The following FARP1 variants were observed in gnomAD, a reference collection of about 807,000 sequenced individuals.
FARP1 encodes FERM, ARHGEF and pleckstrin domain-containing protein 1.
A neutral mutation model predicts 128.8 loss-of-function variants in FARP1; 52 were observed. That is an observed-to-expected ratio of 0.40 (90% confidence interval 0.32 to 0.51). FARP1 has a LOEUF of 0.51. FARP1 is among the 20% of genes least tolerant of loss of function. FARP1 has a pLI of 0.45. For synonymous variants in FARP1, 580 were observed against 551.8 expected, an observed-to-expected ratio of 1.05 and a Z score of -0.72; for missense variants, 1,333 against 1,367.9, an observed-to-expected ratio of 0.97 and a Z score of 0.40.
At chr13:98,425,685 C>T (rs1891760496) in intron 17 of FARP1, among the ~76,000 whole-genome samples, 2 of 152,156 alleles carry the variant, frequency 1.3e-5, no homozygotes, top group Admixed American at 6.5e-5. Context: ...GCCATCACCC[C>T]TGGTCGCAAA....
At chr13:98,171,263 G>T (rs942839310) in intron 1 of FARP1, among the ~76,000 whole-genome samples, 4 of 152,182 alleles carry the variant, frequency 2.6e-5, no homozygotes, top group African/African-American at 9.7e-5. Context: ...CAATGTCCTT[G>T]GGTAATAAAC....
intron 17 of FARP1, among the ~76,000 whole-genome samples, chr13:98,428,431 T>C (rs1891871539): frequency 6.6e-6 from 1 of 152,102 alleles, no homozygotes; most frequent in African/African-American, 2.4e-5. Context: ...CTCTCTGTTT[T>C]CTTCCTGCTA....
intron 2 of FARP1, among the ~76,000 whole-genome samples, chr13:98,277,652 T>A (rs1013807506): frequency 3.9e-5 from 6 of 152,170 alleles, no homozygotes; most frequent in African/African-American, 1.4e-4. Flanking sequence ...CCTGTGCTAG[T>A]GGCAGAGCAC....
chr13:98,387,895 T>G (rs1890159499), intron 8 of FARP1, among the ~76,000 whole-genome samples: 2 of 152,228 alleles, frequency 1.3e-5, no homozygotes, highest in Non-Finnish European at 2.9e-5. Flanking sequence ...GGAAGTCTCT[T>G]TCTGCCACAT....
At chr13:98,211,373 C>T (rs78577064) in intron 1 of FARP1, among the ~76,000 whole-genome samples, 15,124 of 152,268 alleles carry the variant, frequency 0.099, 837 homozygotes, top group South Asian at 0.2. Flanking sequence ...CTAGATTGTG[C>T]GCTCCTTATG....
At chr13:98,392,910 G>A (rs1384212660) in intron 11 of FARP1, among the ~76,000 whole-genome samples, 1 of 151,724 alleles carries the variant, frequency 6.6e-6, no homozygotes, top group Non-Finnish European at 1.5e-5. Context: ...GTAAGAAATA[G>A]CCCAGTTCTC....
chr13:98,231,429 C>CTTATT lies in FARP1; in HGVS notation c.171+18038_171+18042dup, dbSNP rs925629183. On this transcript the variant is annotated intron_variant, in intron 2 of 26. Transcript: ENST00000319562. ...TGTCATTCATTTCTATTTTCTATTT[C>CTTATT]TTATTTTATTTTATTTTATTTTATT... is the stretch of plus-strand genomic sequence containing the variant. Among the ~76,000 whole-genome samples the CTTATT allele has an allele frequency of 7.7e-3, 1,173 of 151,942 alleles. 18 individuals are homozygous for CTTATT. Among genetic ancestry groups the CTTATT allele is most frequent in the African/African-American group, 0.025 (1,037 of 41,360 alleles).
At chr13:98,355,359 A>G (rs1162365659) in intron 3 of FARP1, among the ~76,000 whole-genome samples, 3 of 152,172 alleles carry the variant, frequency 2.0e-5, no homozygotes, top group Non-Finnish European at 2.9e-5. Flanking sequence ...AAAATAAAAA[A>G]TCTCATTTTG....
At chr13:98,239,963 T>A (rs1413765788) in intron 2 of FARP1, among the ~76,000 whole-genome samples, 1 of 152,084 alleles carries the variant, frequency 6.6e-6, no homozygotes, top group Non-Finnish European at 1.5e-5. Context: ...GACGGCTACC[T>A]CTCTTCTCCA....
intron 13 of FARP1, 26 bp from the exon 14 acceptor site, chr13:98,409,312 C>A: frequency 9.4e-7 from 1 of 1,069,292 alleles, no homozygotes; most frequent in South Asian, 1.8e-5. Context: ...CTTTTTTTTT[C>A]TTTAAAACTT....
chr13:98,205,587 G>A (rs922734744), intron 1 of FARP1, among the ~76,000 whole-genome samples: 2 of 152,104 alleles, frequency 1.3e-5, no homozygotes, highest in African/African-American at 4.8e-5. Flanking sequence ...TAGAGACGGG[G>A]TTTCACTGTG....
intron 2 of FARP1, among the ~76,000 whole-genome samples, chr13:98,253,120 T>A (rs1410848246): frequency 6.6e-6 from 1 of 152,198 alleles, no homozygotes; most frequent in African/African-American, 2.4e-5. Context: ...ACGAAAGCAA[T>A]GTTCAAGCCA....
intron 2 of FARP1, among the ~76,000 whole-genome samples, chr13:98,259,518 C>T (rs2139529040): frequency 6.6e-6 from 1 of 152,276 alleles, no homozygotes; most frequent in Admixed American, 6.5e-5. Flanking sequence ...CCAGAGGTTT[C>T]ACCGTGAGCA....
intron 1 of FARP1, among the ~76,000 whole-genome samples, chr13:98,163,013 T>C (rs1876994184): frequency 6.6e-6 from 1 of 152,168 alleles, no homozygotes; most frequent in East Asian, 1.9e-4. Context: ...CATAAGGACA[T>C]AGGCACGTGA....
chr13:98,172,716 G>C (rs1171125657), intron 1 of FARP1, among the ~76,000 whole-genome samples: 1 of 152,174 alleles, frequency 6.6e-6, no homozygotes, highest in Non-Finnish European at 1.5e-5. Context: ...GCTGACTTCT[G>C]CATTTCTTAG....
rs1203163656 is a variant in FARP1 at position 98,176,107 on chromosome 13, C to T, written c.-24+32615C>T. Reference sequence around the variant, plus strand: ...GGATTGCAGGAAGACTGTCATCTCTCTCATCTTACTCAACAGGCTGCTTCT... The same window carrying T: ...GGATTGCAGGAAGACTGTCATCTCTTTCATCTTACTCAACAGGCTGCTTCT... On this transcript the variant is annotated intron_variant, in intron 1 of 26. Transcript: ENST00000319562. This position sits in a 1 kb window ranked among gnomAD's most constrained non-coding sequence, Gnocchi z 6.2. 7 of 1,462,870 alleles carry T rather than the reference C, an allele frequency of 4.8e-6. No homozygotes were observed. Among genetic ancestry groups the T allele is most frequent in the Non-Finnish European group, 6.7e-6 (7 of 1,049,642 alleles). The allele number at this position is 1,462,870 out of a possible 1,614,324, so 90.6% of individuals were successfully genotyped here.
At chr13:98,323,449 A>C (rs2139798021) in intron 2 of FARP1, among the ~76,000 whole-genome samples, 1 of 145,820 alleles carries the variant, frequency 6.9e-6, no homozygotes, top group South Asian at 2.2e-4. Context: ...TTACAGTAGA[A>C]GTATTTTTTT....
intron 2 of FARP1, among the ~76,000 whole-genome samples, chr13:98,330,151 G>A (rs72655164): frequency 0.032 from 4,862 of 152,208 alleles, 103 homozygotes; most frequent in Middle Eastern, 0.065. Context: ...TGTGTGCCTC[G>A]TGTGCTAGAG....
chr13:98,162,894 G>A (rs1290291157), intron 1 of FARP1, among the ~76,000 whole-genome samples: 3 of 152,122 alleles, frequency 2.0e-5, no homozygotes, highest in Admixed American at 2.0e-4. Context: ...TAGTTCAACC[G>A]TTGTGGAAAG....
Sources: gnomAD v4.1 joint callset for allele counts (sites outside exome capture counted in the v4.1 genomes callset) on GRCh38, gnomAD v4.1.1 for gene constraint, Gnocchi (gnomAD v3.1) non-coding constraint, MANE v1.5 for transcripts, NCBI Gene and HGNC (gene_info 2026-07-23, HGNC 2026-07-21) for gene names.